Variants in KLF12 observed in about 807,000 individuals in gnomAD.
KLF12 encodes Krueppel-like factor 12.
In KLF12, 9 loss-of-function variants were observed where a neutral mutation model predicts 37.8. The observed-to-expected ratio is 0.24, with a 90% confidence interval of 0.14 to 0.42. The LOEUF (loss-of-function observed/expected upper bound fraction) is 0.42. KLF12 is among the 10% of genes least tolerant of loss of function. KLF12 has a pLI of 1.00. For missense variants in KLF12, 411 were observed against 516.0 expected, an observed-to-expected ratio of 0.80 and a Z score of 1.97; for synonymous variants, 208 against 202.1, an observed-to-expected ratio of 1.03 and a Z score of -0.25.
chr13:74,291,921 A>C, the KLF12 span, among the ~76,000 whole-genome samples: 2 of 152,210 alleles, frequency 1.3e-5, no homozygotes, highest in Admixed American at 1.3e-4. Context: ...TTGTTTGCAG[A>C]GTCTGATCAC....
In KLF12 at chr13:74,026,651, A is replaced by G. The variant is rs1248073354; in HGVS notation, c.-31-31598T>C. ...ATGTATTTTACTATAATTAAAAACA[A>G]CAAATACCTGATTTGGATTCAAATA... On this transcript the variant is annotated intron_variant, in intron 1 of 7. Coordinates refer to ENST00000377669, the MANE Select transcript of KLF12 (RefSeq NM_007249.5). 2.0e-5 allele frequency among the ~76,000 whole-genome samples: 3 copies of G among 152,358 alleles called. No homozygotes were observed. The East Asian group carries it at 5.8e-4, about 29-fold the overall frequency.
At chr13:74,143,119 GCTC>G in the KLF12 span, among the ~76,000 whole-genome samples, 4 of 138,466 alleles carry the variant, frequency 2.9e-5, no homozygotes, top group African/African-American at 1.1e-4. Context: ...TCCTCCTCTT[GCTC>G]CTCCTCCTCG....
intron 3 of KLF12, among the ~76,000 whole-genome samples, chr13:73,855,518 C>A (rs1885562038): frequency 6.6e-6 from 1 of 152,274 alleles, no homozygotes; most frequent in South Asian, 2.1e-4. Flanking sequence ...TTGGTTGATT[C>A]CACGTCTTTG....
At chr13:73,895,747 G>C (rs1209719951) in intron 3 of KLF12, among the ~76,000 whole-genome samples, 1 of 151,898 alleles carries the variant, frequency 6.6e-6, no homozygotes, top group Non-Finnish European at 1.5e-5. Context: ...TTTGATATTA[G>C]ATTAACAAGT....
At chr13:73,867,999 C>T (rs990977313) in intron 3 of KLF12, among the ~76,000 whole-genome samples, 2 of 140,118 alleles carry the variant, frequency 1.4e-5, no homozygotes, top group African/African-American at 5.4e-5. Context: ...CCAGCCTGGG[C>T]AACAAACAAG....
chr13:74,216,455 A>C, the KLF12 span, among the ~76,000 whole-genome samples: 1 of 152,158 alleles, frequency 6.6e-6, no homozygotes, highest in Non-Finnish European at 1.5e-5. Flanking sequence ...AGAGATTCTG[A>C]TGAGGACGGC....
At chr13:73,785,116 T>A (rs1305074769) in intron 5 of KLF12, among the ~76,000 whole-genome samples, 1 of 119,952 alleles carries the variant, frequency 8.3e-6, no homozygotes, top group Non-Finnish European at 1.9e-5. Flanking sequence ...TGTAATTATC[T>A]AATTTTTTTT....
chr13:73,736,231 C>G (rs1206875521), intron 6 of KLF12, among the ~76,000 whole-genome samples: 1 of 152,132 alleles, frequency 6.6e-6, no homozygotes, highest in East Asian at 1.9e-4. Context: ...CATCAAAATC[C>G]ACATAATGTA....
intron 3 of KLF12, among the ~76,000 whole-genome samples, chr13:73,865,105 T>C (rs1251688947): frequency 6.6e-6 from 1 of 152,142 alleles, no homozygotes; most frequent in African/African-American, 2.4e-5. Context: ...TAAGGTCAAC[T>C]TGATTGCCTA....
At chr13:73,930,860 A>ATTTTT (rs11432866) in intron 3 of KLF12, among the ~76,000 whole-genome samples, 11 of 109,464 alleles carry the variant, frequency 1.0e-4, no homozygotes, top group Non-Finnish European at 1.6e-4. Flanking sequence ...AACTGGAAAC[A>ATTTTT]TTTTTTTTTT....
intron 6 of KLF12, among the ~76,000 whole-genome samples, chr13:73,763,829 G>A (rs545242146): frequency 1.3e-5 from 2 of 152,260 alleles, no homozygotes; most frequent in African/African-American, 2.4e-5. Flanking sequence ...AATGGTAAGA[G>A]ACGAGGAAGG....
At chr13:74,097,745 T>C (rs1876064727) in intron 1 of KLF12, among the ~76,000 whole-genome samples, 1 of 151,810 alleles carries the variant, frequency 6.6e-6, no homozygotes, top group Admixed American at 6.6e-5. Flanking sequence ...TGTATGTTCA[T>C]GTGCTTTTAT....
intron 3 of KLF12, among the ~76,000 whole-genome samples, chr13:73,879,794 G>A (rs947678995): frequency 5.3e-5 from 8 of 152,094 alleles, no homozygotes; most frequent in Admixed American, 3.3e-4. Context: ...GGAACACCAC[G>A]CCCTCTCATT....
At chr13:73,921,964 T>C (rs1158691372) in intron 3 of KLF12, among the ~76,000 whole-genome samples, 3 of 152,166 alleles carry the variant, frequency 2.0e-5, no homozygotes, top group African/African-American at 4.8e-5. Context: ...TATTATGTGG[T>C]TGCAGAATCA....
chr13:73,936,999 G>T (rs1473057287), intron 3 of KLF12, among the ~76,000 whole-genome samples: 1 of 152,098 alleles, frequency 6.6e-6, no homozygotes, highest in East Asian at 1.9e-4. Context: ...AGACCATCCT[G>T]GTCAACATGG....
chr13:73,817,486 T>C lies in KLF12; in HGVS notation c.671-4199A>G, dbSNP rs191856360. On this transcript the variant is annotated intron_variant, in intron 4 of 7. Coordinates refer to ENST00000377669, the MANE Select transcript of KLF12 (RefSeq NM_007249.5). ...CCTTCTAGAGATTTCCTAGCAATGATGGAGATGAACTACAACTACAATTAC... is the reference window on the plus strand; with the variant it reads ...CCTTCTAGAGATTTCCTAGCAATGACGGAGATGAACTACAACTACAATTAC... Among the ~76,000 whole-genome samples, 12 of 152,296 alleles carry C rather than the reference T, an allele frequency of 7.9e-5. No individual in the cohort carries two copies. In the East Asian group the frequency reaches 2.1e-3, roughly 27 times the overall value.
At chr13:74,044,185 C>A (rs1177392849) in intron 1 of KLF12, among the ~76,000 whole-genome samples, 1 of 152,120 alleles carries the variant, frequency 6.6e-6, no homozygotes, top group African/African-American at 2.4e-5. Flanking sequence ...AGAAACAAGA[C>A]CCCTACTCCA....
At chr13:73,880,810 A>C (rs541070943) in intron 3 of KLF12, among the ~76,000 whole-genome samples, 1 of 152,352 alleles carries the variant, frequency 6.6e-6, no homozygotes, top group Non-Finnish European at 1.5e-5. Flanking sequence ...CTAGCAGTAT[A>C]ACTAACCAAA....
intron 1 of KLF12, among the ~76,000 whole-genome samples, chr13:74,013,569 T>C (rs1323540069): frequency 6.6e-6 from 1 of 152,234 alleles, no homozygotes; most frequent in African/African-American, 2.4e-5. Context: ...AGCCAGTTCA[T>C]GATATGTGTT....
Sources: allele counts gnomAD v4.1 joint callset (sites outside exome capture counted in the v4.1 genomes callset), GRCh38; gene constraint gnomAD v4.1.1; transcripts MANE v1.5; gene names NCBI Gene and HGNC (gene_info 2026-07-23, HGNC 2026-07-21).